Variants in CYRIA observed in about 807,000 individuals in gnomAD.
CYRIA encodes CYFIP related Rac1 interactor A, also known as CYFIP-related Rac1 interactor A.
A neutral mutation model predicts 43.9 loss-of-function variants in CYRIA; 15 were observed. The observed-to-expected ratio is 0.34, with a 90% confidence interval of 0.23 to 0.53. The LOEUF (loss-of-function observed/expected upper bound fraction) is 0.53. Ranked by LOEUF, CYRIA falls within the 20% of genes least tolerant of loss-of-function variation. CYRIA has a pLI of 0.94. For missense variants in CYRIA, 236 were observed against 394.2 expected (o/e 0.60, Z 3.40); for synonymous variants, 117 against 136.0 (o/e 0.86, Z 0.97).
At chr2:16,614,368 CCAAA>C (rs1027430461) in intron 2 of CYRIA, among the ~76,000 whole-genome samples, 8 of 152,200 alleles carry the variant, frequency 5.3e-5, no homozygotes, top group African/African-American at 1.9e-4. Context: ...CACAATTAAA[CCAAA>C]CAAACAAACG....
chr2:16,635,625 T>A (rs1177498247), intron 1 of CYRIA, among the ~76,000 whole-genome samples: 2 of 152,124 alleles, frequency 1.3e-5, no homozygotes, highest in East Asian at 3.9e-4. Flanking sequence ...TCTATTCACC[T>A]CCTCTCACCT....
intron 2 of CYRIA, among the ~76,000 whole-genome samples, chr2:16,612,166 T>C (rs73918612): frequency 0.026 from 3,985 of 152,210 alleles, 162 homozygotes; most frequent in African/African-American, 0.083. Context: ...ACCCAGGGAA[T>C]GTGTGTGGCT....
At position 16,550,796 on chromosome 2, in the gene CYRIA, A is replaced by G. The variant is rs1011086653; in HGVS notation, c.*2140T>C. The G allele has an allele frequency of 6.6e-6, 1 of 152,072 alleles. No individual in the cohort carries two copies. Among genetic ancestry groups the G allele is most frequent in the Non-Finnish European group, 1.5e-5 (1 of 68,016 alleles). 9.4% of individuals were successfully genotyped at this position (152,072 alleles called of 1,614,324 possible). Reference sequence around the variant, plus strand: ...AGTCCTTTCCTTTCTTTAAGCCTTAATCTCCTCACTTGATAGAGGGGGAGA... The same window carrying G: ...AGTCCTTTCCTTTCTTTAAGCCTTAGTCTCCTCACTTGATAGAGGGGGAGA... On this transcript the variant is annotated 3_prime_UTR_variant, in exon 12 of 12. Transcript: ENST00000381323.
chr2:16,560,452 C>A (rs1178257228), intron 9 of CYRIA, among the ~76,000 whole-genome samples: 2 of 152,112 alleles, frequency 1.3e-5, no homozygotes, highest in African/African-American at 4.8e-5. Flanking sequence ...ATAGTAGGGG[C>A]TACAGCCATA....
At chr2:16,562,436 C>T (rs1229498157) in intron 5 of CYRIA, among the ~76,000 whole-genome samples, 1 of 152,120 alleles carries the variant, frequency 6.6e-6, no homozygotes, top group African/African-American at 2.4e-5. Context: ...TAGAAAACCA[C>T]AGATATGTGT....
rs1572457040 is a variant in CYRIA, at chr2:16,561,525, G to C, written c.444C>G (p.Asn148Lys). The change falls in exon 7 of 12, where the codon AAC becomes AAG. Residue 148 changes from asparagine (N) to lysine (K), a missense_variant. Transcript: ENST00000381323. The part of the protein sequence containing the change: ...TLRFDELKMR[N>K]PAIQNDFSYY... The stretch of plus-strand genomic sequence containing the variant: ...AGCTGAAGTCATTCTGAATAGCCGG[G>C]TTCCTCATCTGAAATTCAGAGGACA... The C allele has an allele frequency of 1.9e-6, 3 of 1,613,558 alleles. No homozygotes were observed. The highest frequency in any genetic ancestry group is 4.5e-5 in the East Asian group (2 of 44,848).
intron 1 of CYRIA, among the ~76,000 whole-genome samples, chr2:16,655,539 C>A (rs1003263740): frequency 6.6e-6 from 1 of 152,146 alleles, no homozygotes; most frequent in Non-Finnish European, 1.5e-5. Flanking sequence ...CTCTTCTGTT[C>A]GTTCTCCCTC....
chr2:16,653,138 A>C (rs926842333), intron 1 of CYRIA, among the ~76,000 whole-genome samples: 13 of 152,206 alleles, frequency 8.5e-5, no homozygotes, highest in African/African-American at 3.1e-4. Context: ...GCATGAGAAC[A>C]GGCCAGTGAA....
chr2:16,574,486 C>T (rs1340202898), intron 3 of CYRIA, among the ~76,000 whole-genome samples: 1 of 152,206 alleles, frequency 6.6e-6, no homozygotes, highest in Non-Finnish European at 1.5e-5. Flanking sequence ...AAAATGTCTC[C>T]AGGGTATGTC....
At chr2:16,614,629 A>G (rs752519712) in intron 2 of CYRIA, among the ~76,000 whole-genome samples, 10 of 152,156 alleles carry the variant, frequency 6.6e-5, no homozygotes, top group Non-Finnish European at 1.3e-4. Context: ...TGTGATTCCA[A>G]CATGAGGTCT....
intron 3 of CYRIA, among the ~76,000 whole-genome samples, chr2:16,583,750 T>C (rs1438706967): frequency 2.0e-5 from 3 of 152,032 alleles, no homozygotes; most frequent in Non-Finnish European, 2.9e-5. Flanking sequence ...AAAGAGGACA[T>C]GGAGACATGG....
At position 16,552,553 on chromosome 2, in the gene CYRIA, C is replaced by A. The variant is rs1666353168; in HGVS notation, c.*383G>T. On this transcript the variant is annotated 3_prime_UTR_variant, in exon 12 of 12. Transcript: ENST00000381323. The stretch of plus-strand genomic sequence containing the variant: ...TGTGTTTCTTGTAGCTGAGCCGACA[C>A]AGGAAATCAAATATTTTGTGTTTCT... 6.2e-6 allele frequency: 1 copy of A among 160,306 alleles called. No individual in the cohort carries two copies. Among genetic ancestry groups the A allele is most frequent in the African/African-American group, 2.4e-5 (1 of 41,714 alleles). The allele number at this position is 160,306 out of a possible 1,614,324, so 9.9% of individuals were successfully genotyped here.
At chr2:16,600,752 G>T (rs1310774779) in intron 2 of CYRIA, among the ~76,000 whole-genome samples, 1 of 152,136 alleles carries the variant, frequency 6.6e-6, no homozygotes, top group Non-Finnish European at 1.5e-5. Context: ...CTGTGTGTGT[G>T]GCACTATACT....
intron 10 of CYRIA, among the ~76,000 whole-genome samples, chr2:16,557,008 A>C (rs1185977609): frequency 1.3e-5 from 2 of 152,078 alleles, no homozygotes; most frequent in African/African-American, 4.8e-5. Flanking sequence ...TCAGGTGTCC[A>C]TGGGAAATGG....
chr2:16,630,470 T>C (rs907945173), intron 1 of CYRIA, among the ~76,000 whole-genome samples: 4 of 152,072 alleles, frequency 2.6e-5, no homozygotes, highest in Non-Finnish European at 5.9e-5. Flanking sequence ...TTCCCAAGGC[T>C]GTAGTTTAAC....
rs764580585 is a variant in CYRIA at position 16,559,541 on chromosome 2, G to A, written c.756C>T (p.Cys252=). 7 of 1,613,088 alleles carry A rather than the reference G, an allele frequency of 4.3e-6. No homozygotes were observed. The highest frequency in any genetic ancestry group is 1.7e-5 in the Admixed American group (1 of 59,944). ...TGATGACTCCCACCATCACCCTCAT[G>A]CAGAACATCAGGGTCTCTTCACTCG... ...RFTSEETLMF[C]MRVMVGVIIL... Residue 252 remains cysteine (C), a synonymous_variant, in exon 10 of 12, where the codon TGC becomes TGT. Transcript: ENST00000381323.
intron 3 of CYRIA, among the ~76,000 whole-genome samples, chr2:16,584,299 A>C (rs1000691780): frequency 6.6e-6 from 1 of 152,044 alleles, no homozygotes; most frequent in Non-Finnish European, 1.5e-5. Flanking sequence ...GACTGCCTGG[A>C]TAGAGCCCGC....
At chr2:16,629,949 G>A (rs1474235596) in intron 1 of CYRIA, among the ~76,000 whole-genome samples, 3 of 152,120 alleles carry the variant, frequency 2.0e-5, no homozygotes, top group Non-Finnish European at 2.9e-5. Flanking sequence ...GTGGGAAGCC[G>A]AGCATGGAAG....
intron 1 of CYRIA, among the ~76,000 whole-genome samples, chr2:16,626,938 A>G (rs1025112487): frequency 1.3e-5 from 2 of 152,188 alleles, no homozygotes; most frequent in Non-Finnish European, 2.9e-5. Flanking sequence ...ATCTTTGCTC[A>G]TTTTGAGAGC....
Sources: allele counts gnomAD v4.1 joint callset (sites outside exome capture counted in the v4.1 genomes callset), GRCh38; gene constraint gnomAD v4.1.1; transcripts MANE v1.5; gene names NCBI Gene and HGNC (gene_info 2026-07-23, HGNC 2026-07-21).